CNTN4: variants seen among roughly 807,000 people sequenced by gnomAD.
CNTN4 encodes contactin 4, also known as contactin-4.
In CNTN4, 77 loss-of-function variants were observed where a neutral mutation model predicts 122.5. That is an observed-to-expected ratio of 0.63 (90% CI 0.52 to 0.76). The LOEUF (loss-of-function observed/expected upper bound fraction) is 0.76. Ranked by LOEUF, CNTN4 falls within the 30% of genes least tolerant of loss-of-function variation. The pLI is 0.00. For synonymous variants in CNTN4, 512 were observed against 447.0 expected, an observed-to-expected ratio of 1.15 and a Z score of -1.83; for missense variants, 1,256 against 1,259.1, an observed-to-expected ratio of 1.00 and a Z score of 0.04.
intron 3 of CNTN4, among the ~76,000 whole-genome samples, chr3:2,561,012 G>A (rs765914541): frequency 1.3e-5 from 2 of 152,134 alleles, no homozygotes; most frequent in African/African-American, 4.8e-5. Context: ...TTCTGATGTG[G>A]CTGTCCGAGC....
At chr3:2,346,648 T>C (rs551536635) in intron 3 of CNTN4, among the ~76,000 whole-genome samples, 1 of 152,332 alleles carries the variant, frequency 6.6e-6, no homozygotes, top group South Asian at 2.1e-4. Context: ...CATGAAGATA[T>C]TGTTGTATTG....
rs912052582 is a variant in CNTN4, at chr3:2,209,611, C to T, written c.-145+108972C>T. Among the ~76,000 whole-genome samples the T allele has an allele frequency of 2.6e-5, 4 of 152,114 alleles. No homozygotes were observed. The East Asian group carries it at 5.8e-4, about 22-fold the overall frequency. On this transcript the variant is annotated intron_variant, in intron 2 of 24. Transcript: ENST00000418658. ...CACTTACTATGATTTACCCTGGAAA[C>T]AAATGGTATCTTCCCATTGAAAAGG...
intron 3 of CNTN4, among the ~76,000 whole-genome samples, chr3:2,430,844 G>T (rs1239949351): frequency 1.3e-5 from 2 of 152,132 alleles, no homozygotes; most frequent in African/African-American, 4.8e-5. Context: ...GATAGCTCAA[G>T]AAGACAGATG....
chr3:2,469,229 A>G (rs1347834830), intron 3 of CNTN4, among the ~76,000 whole-genome samples: 1 of 152,258 alleles, frequency 6.6e-6, no homozygotes, highest in Non-Finnish European at 1.5e-5. Context: ...GTACTAAGAC[A>G]TAACCATTTA....
intron 2 of CNTN4, among the ~76,000 whole-genome samples, chr3:2,272,992 G>A (rs1247743336): frequency 1.3e-5 from 2 of 152,058 alleles, no homozygotes; most frequent in Admixed American, 6.6e-5. Context: ...GTAGGCATGG[G>A]AATTATCTTC....
intron 8 of CNTN4, among the ~76,000 whole-genome samples, chr3:2,879,926 C>G (rs900959737): frequency 6.6e-6 from 1 of 152,026 alleles, no homozygotes; most frequent in East Asian, 1.9e-4. Context: ...TCATTTGGGT[C>G]ATTTAAAGAC....
At chr3:2,166,629 C>G (rs913279529) in intron 2 of CNTN4, among the ~76,000 whole-genome samples, 1 of 151,922 alleles carries the variant, frequency 6.6e-6, no homozygotes, top group African/African-American at 2.4e-5. Flanking sequence ...TCATTTTTGT[C>G]TGAAAGTAAA....
At chr3:2,917,868 C>A (rs915686333) in intron 12 of CNTN4, among the ~76,000 whole-genome samples, 9 of 151,718 alleles carry the variant, frequency 5.9e-5, no homozygotes, top group Admixed American at 2.6e-4. Flanking sequence ...TCCAAGAGTG[C>A]AACATGACCC....
At chr3:2,513,527 A>G (rs1486783719) in intron 3 of CNTN4, among the ~76,000 whole-genome samples, 1 of 151,514 alleles carries the variant, frequency 6.6e-6, no homozygotes. Flanking sequence ...GAACCCCTTT[A>G]TTTGTACTTA....
intron 8 of CNTN4, among the ~76,000 whole-genome samples, chr3:2,882,018 A>G (rs931716582): frequency 2.0e-5 from 3 of 152,216 alleles, no homozygotes; most frequent in Admixed American, 1.3e-4. Context: ...GAATAAATGT[A>G]TTAGAACAAT....
intron 2 of CNTN4, among the ~76,000 whole-genome samples, chr3:2,335,584 GT>G (rs66498510): frequency 0.14 from 20,532 of 145,304 alleles, 1,514 homozygotes; most frequent in Non-Finnish European, 0.17. Context: ...AATTCTGTGG[GT>G]TTTTTTTTTT....
In CNTN4 at chr3:2,530,309, C is replaced by CTT. The variant is rs1206246281; in HGVS notation, c.-88-41090_-88-41089dup. ...CTATTTTCTTCTTCTTTCTCCTCTT[C>CTT]TTTTTTTTTTTTTTTTTTGTGACTG... On this transcript the variant is annotated intron_variant, in intron 3 of 24. Transcript: ENST00000418658. Among the ~76,000 whole-genome samples the CTT allele has an allele frequency of 3.4e-3, 455 of 134,696 alleles. 8 individuals carry two copies. Among genetic ancestry groups the CTT allele is most frequent in the African/African-American group, 0.011 (401 of 35,508 alleles). The allele number at this position is 134,696 out of a possible 152,430, so 88.4% of individuals were successfully genotyped here.
chr3:2,129,862 T>C (rs1574898810), intron 2 of CNTN4, among the ~76,000 whole-genome samples: 1 of 151,968 alleles, frequency 6.6e-6, no homozygotes, highest in Non-Finnish European at 1.5e-5. Context: ...AACACACTTA[T>C]ATTGGTGGCT....
At chr3:2,104,160 A>G (rs2032229480) in intron 2 of CNTN4, among the ~76,000 whole-genome samples, 1 of 151,600 alleles carries the variant, frequency 6.6e-6, no homozygotes, top group African/African-American at 2.4e-5. Flanking sequence ...TCACATCCTG[A>G]GAATTTTGCT....
In CNTN4 at chr3:2,192,643, T is replaced by G. The variant is rs538699015; in HGVS notation, c.-145+92004T>G. Among the ~76,000 whole-genome samples, 3 of 152,292 alleles carry G rather than the reference T, an allele frequency of 2.0e-5. No individual in the cohort carries two copies. In the South Asian group the frequency reaches 6.2e-4, roughly 32 times the overall value. On this transcript the variant is annotated intron_variant, in intron 2 of 24. Coordinates refer to ENST00000418658, the MANE Select transcript of CNTN4 (RefSeq NM_175607.3). ...TGGGCAAAGGATATGAACAGACACT[T>G]CGCAAAAGAAGACATTTATGCAAAA...
intron 8 of CNTN4, 74 bp downstream of exon 8, chr3:2,867,023 G>A: frequency 7.7e-7 from 1 of 1,294,578 alleles, no homozygotes; most frequent in Non-Finnish European, 1.1e-6. Context: ...TTATGTTGTT[G>A]GCACATGAAG....
chr3:2,440,679 C>T (rs1037539529), intron 3 of CNTN4, among the ~76,000 whole-genome samples: 1 of 151,450 alleles, frequency 6.6e-6, no homozygotes, highest in Non-Finnish European at 1.5e-5. Context: ...TGTATATATT[C>T]ACACATATAC....
At chr3:2,888,045 G>C (rs952015797) in intron 10 of CNTN4, among the ~76,000 whole-genome samples, 36 of 152,318 alleles carry the variant, frequency 2.4e-4, no homozygotes, top group African/African-American at 8.4e-4. Context: ...AAAATGATGA[G>C]AGTAGTTCTG....
intron 14 of CNTN4, among the ~76,000 whole-genome samples, chr3:3,005,887 A>T (rs1198870386): frequency 1.4e-5 from 2 of 145,384 alleles, no homozygotes; most frequent in East Asian, 2.0e-4. Context: ...ACTGTGTAGA[A>T]TTTTTTTTTT....
Sources: allele counts gnomAD v4.1 joint callset (sites outside exome capture counted in the v4.1 genomes callset), GRCh38; gene constraint gnomAD v4.1.1; transcripts MANE v1.5; gene names NCBI Gene and HGNC (gene_info 2026-07-23, HGNC 2026-07-21).